Variants in NAV3 observed in about 807,000 individuals in gnomAD.
The protein encoded by NAV3 is neuron navigator 3, also known as pore membrane and/or filament interacting like protein 1.
In NAV3, 87 loss-of-function variants were observed where a neutral mutation model predicts 244.7. The ratio of observed to expected loss-of-function variants is 0.36; its 90% confidence interval spans 0.30 to 0.42. NAV3 has a LOEUF of 0.42. Among genes scored for constraint, NAV3 ranks in the 20% least tolerant of loss-of-function variants. The pLI is 1.00. For missense variants in NAV3, 2,663 were observed against 2,893.3 expected (o/e 0.92, Z 1.83); for synonymous variants, 1,126 against 1,042.2 (o/e 1.08, Z -1.55).
At chr12:78,051,835 T>C (rs1182598301) in intron 11 of NAV3, among the ~76,000 whole-genome samples, 1 of 152,254 alleles carries the variant, frequency 6.6e-6, no homozygotes, top group East Asian at 1.9e-4. Flanking sequence ...TAGCATTTCC[T>C]GTTATGTACT....
At chr12:78,101,650 G>A (rs907436151) in intron 12 of NAV3, among the ~76,000 whole-genome samples, 2 of 151,912 alleles carry the variant, frequency 1.3e-5, no homozygotes, top group South Asian at 4.2e-4. Context: ...CTTGAAATAC[G>A]TTTTATTGCT....
At chr12:78,025,332 T>C (rs1226186530) in intron 9 of NAV3, among the ~76,000 whole-genome samples, 1 of 152,084 alleles carries the variant, frequency 6.6e-6, no homozygotes, top group Non-Finnish European at 1.5e-5. Flanking sequence ...GCATGGTGGC[T>C]CACGCTTGTA....
At chr12:77,598,797 C>T (rs962821418) in intron 2 of NAV3, among the ~76,000 whole-genome samples, 6 of 151,872 alleles carry the variant, frequency 4.0e-5, no homozygotes, top group Admixed American at 3.9e-4. Context: ...TGTCCATCAC[C>T]TCTAAAAGTT....
intron 2 of NAV3, among the ~76,000 whole-genome samples, chr12:77,766,030 T>C (rs1189841657): frequency 2.6e-5 from 4 of 152,156 alleles, no homozygotes; most frequent in African/African-American, 9.7e-5. Flanking sequence ...TTGCCATCAG[T>C]TAAGAAATTT....
At chr12:77,994,903 T>C in intron 6 of NAV3, 32 bp downstream of exon 6, 3 of 1,433,580 alleles carry the variant, frequency 2.1e-6, no homozygotes, top group Non-Finnish European at 2.9e-6. Flanking sequence ...TATTGCTTAT[T>C]AGTGATATGC....
chr12:77,800,929 T>G (rs1871673098), intron 2 of NAV3, among the ~76,000 whole-genome samples: 2 of 152,120 alleles, frequency 1.3e-5, no homozygotes, highest in African/African-American at 4.8e-5. Flanking sequence ...ATTAGAACTC[T>G]TCAGAGAAGA....
intron 8 of NAV3, among the ~76,000 whole-genome samples, chr12:78,020,471 C>T (rs1168830337): frequency 6.6e-6 from 1 of 152,116 alleles, no homozygotes; most frequent in Non-Finnish European, 1.5e-5. Context: ...TAGGAACAGT[C>T]TGTCAGAAAT....
intron 3 of NAV3, among the ~76,000 whole-genome samples, chr12:77,963,950 TCCTTCCTCCTCCTTCACCCTCC>T (rs1593136467): frequency 7.4e-6 from 1 of 135,302 alleles, no homozygotes; most frequent in East Asian, 2.5e-4. Context: ...CTCCTCCTCC[TCCTTCCTCCTCCTTCACCCTCC>T]CCTTCCTCCT....
At chr12:77,761,177 G>A (rs1869443007) in intron 2 of NAV3, among the ~76,000 whole-genome samples, 1 of 152,116 alleles carries the variant, frequency 6.6e-6, no homozygotes, top group African/African-American at 2.4e-5. Context: ...TCCTGCCTCA[G>A]CCTCCCGAGT....
chr12:77,995,890 C>T (rs1301028069), intron 6 of NAV3, among the ~76,000 whole-genome samples: 4 of 152,076 alleles, frequency 2.6e-5, no homozygotes, highest in Middle Eastern at 3.4e-3. Flanking sequence ...TTTTTAAGTA[C>T]TGTATTTTGA....
chr12:78,067,016 G>A (rs928251841), intron 12 of NAV3, among the ~76,000 whole-genome samples: 1 of 152,104 alleles, frequency 6.6e-6, no homozygotes, highest in African/African-American at 2.4e-5. Flanking sequence ...GGGGGCATCA[G>A]TTATAAGGGT....
At chr12:77,615,088 C>G (rs2136839344) in intron 2 of NAV3, among the ~76,000 whole-genome samples, 1 of 152,160 alleles carries the variant, frequency 6.6e-6, no homozygotes, top group East Asian at 1.9e-4. Context: ...GATATAGGAG[C>G]AAGTAAATAT....
chr12:77,839,246 C>G (rs1278283779), intron 1 of NAV3, among the ~76,000 whole-genome samples: 1 of 152,180 alleles, frequency 6.6e-6, no homozygotes, highest in Non-Finnish European at 1.5e-5. Flanking sequence ...GCTTTAGAAT[C>G]AGCTTCCAAT....
At chr12:77,748,118 A>G (rs1013244690) in intron 2 of NAV3, among the ~76,000 whole-genome samples, 1 of 152,232 alleles carries the variant, frequency 6.6e-6, no homozygotes, top group Non-Finnish European at 1.5e-5. Context: ...GAATATAACA[A>G]TGGTATATAT....
chr12:77,723,755 C>CTTTGTTTT, intron 2 of NAV3, among the ~76,000 whole-genome samples: 1 of 67,648 alleles, frequency 1.5e-5, no homozygotes, highest in Non-Finnish European at 2.6e-5. Flanking sequence ...GCAATCTTGA[C>CTTTGTTTT]TTTTTTTTTT....
chr12:78,138,187 A>G (rs1229916444), intron 19 of NAV3, among the ~76,000 whole-genome samples: 2 of 152,176 alleles, frequency 1.3e-5, no homozygotes, highest in African/African-American at 2.4e-5. Flanking sequence ...AATTATGTTT[A>G]AAAGAAAAGT....
chr12:77,710,223 T>G (rs1404571051), intron 2 of NAV3, among the ~76,000 whole-genome samples: 2 of 152,218 alleles, frequency 1.3e-5, no homozygotes, highest in Admixed American at 1.3e-4. Flanking sequence ...CCAGATCACT[T>G]AAAATTATTT....
chr12:78,011,708 T>C (rs1031361797), intron 8 of NAV3, among the ~76,000 whole-genome samples: 1 of 152,174 alleles, frequency 6.6e-6, no homozygotes, highest in Non-Finnish European at 1.5e-5. Flanking sequence ...GATTTGTAAT[T>C]ATATGAATGA....
At chr12:77,873,773 T>TATATATATATA (rs762527287) in intron 1 of NAV3, among the ~76,000 whole-genome samples, 6 of 128,622 alleles carry the variant, frequency 4.7e-5, no homozygotes, top group African/African-American at 8.6e-5. Flanking sequence ...TATATGTATA[T>TATATATATATA]AACAGCATAT....
Sources: gnomAD v4.1 joint callset for allele counts (sites outside exome capture counted in the v4.1 genomes callset) on GRCh38, gnomAD v4.1.1 for gene constraint, MANE v1.5 for transcripts, NCBI Gene and HGNC (gene_info 2026-07-23, HGNC 2026-07-21) for gene names.